Variants in EP400 observed in about 807,000 individuals in gnomAD.
EP400 encodes the protein E1A binding protein p400, also known as E1A-binding protein p400.
EP400 carries 105 observed loss-of-function variants against 354.1 expected under a neutral mutation model. The observed-to-expected ratio is 0.30, with a 90% CI of 0.25 to 0.35. EP400 has a LOEUF of 0.35. EP400 is among the 10% of genes least tolerant of loss of function. EP400 has a pLI of 1.00. For synonymous variants in EP400, 1,646 were observed against 1,716.9 expected (o/e 0.96, Z 1.02); for missense variants, 3,280 against 4,121.0 (o/e 0.80, Z 5.59).
chr12:132,020,934 C>A, intron 22 of EP400, 145 bp from the exon 23 acceptor site: 2 of 1,103,508 alleles, frequency 1.8e-6, no homozygotes, highest in Non-Finnish European at 2.5e-6. Context: ...AACTATATGG[C>A]CCCTCTTTTT....
chr12:132,065,768 G>C (rs536160720), intron 48 of EP400: 1 of 152,366 alleles, frequency 6.6e-6, no homozygotes, highest in East Asian at 1.9e-4. Flanking sequence ...CTACAGAAGG[G>C]TGCTTGGTTT....
chr12:131,996,393 G>A (rs1033194568), intron 12 of EP400, among the ~76,000 whole-genome samples: 6 of 150,554 alleles, frequency 4.0e-5, no homozygotes, highest in African/African-American at 1.2e-4. Flanking sequence ...CTGGGTTTAC[G>A]CCATTCTCCT....
In EP400 at chr12:132,021,134, G is replaced by A. The variant is rs771169705; in HGVS notation, c.4503G>A (p.Gln1501=). Residue 1501 remains glutamine, a synonymous_variant, in exon 23 of 53, where the codon CAG becomes CAA. Transcript: ENST00000389561. ...SQASASAPRH[Q]PASASSTAAS... is the part of the protein sequence containing the mutation. ...CTTCCGCCAGTGCTCCACGACACCAGCCCGCCTCGGCCTCCAGCACAGCCG... is the reference window on the plus strand; with the variant it reads ...CTTCCGCCAGTGCTCCACGACACCAACCCGCCTCGGCCTCCAGCACAGCCG... 4.4e-6 allele frequency: 7 copies of A among 1,600,026 alleles called. No individual in the cohort carries two copies. The Admixed American group carries it at 1.2e-4, about 27-fold the overall frequency.
chr12:132,031,878 A>C, intron 29 of EP400, 75 bp from the exon 30 acceptor site: 1 of 1,455,204 alleles, frequency 6.9e-7, no homozygotes, highest in East Asian at 2.3e-5. Context: ...TTTCTAATTA[A>C]TAAATGTTGA....
At chr12:131,954,771 T>C (rs569193485) in intron 1 of EP400, among the ~76,000 whole-genome samples, 27 of 144,238 alleles carry the variant, frequency 1.9e-4, no homozygotes, top group Non-Finnish European at 3.6e-4. Flanking sequence ...TGTGTGCCTA[T>C]AGTCCCAGCT....
At chr12:131,976,910 C>T (rs1566168871) in intron 2 of EP400, among the ~76,000 whole-genome samples, 1 of 152,232 alleles carries the variant, frequency 6.6e-6, no homozygotes, top group Non-Finnish European at 1.5e-5. Context: ...TCTTTGTCCT[C>T]TTGTTCAAGC....
At chr12:132,065,139 T>A (rs1895847951) in intron 48 of EP400, 2 of 648,128 alleles carry the variant, frequency 3.1e-6, no homozygotes, top group Non-Finnish European at 5.1e-6. Flanking sequence ...GGGTGGAGAG[T>A]GAGCGAGGTG....
In EP400 at chr12:131,979,775, C is replaced by A. The variant is rs1158266221; in HGVS notation, c.1417C>A (p.Pro473Thr). 2 of 1,606,894 alleles carry A rather than the reference C, an allele frequency of 1.2e-6. No individual in the cohort carries two copies. Among genetic ancestry groups the A allele is most frequent in the South Asian group, 2.2e-5 (2 of 90,126 alleles). ...TDLFKRQQAM[P>T]STGMAEQSKR... ...CCTGTTTAAGAGGCAGCAGGCGATG[C>A]CCTCCACAGGTATGGCAGGTACGTC... The change falls in exon 3 of 53, where the codon CCC becomes ACC. Residue 473 changes from proline to threonine, a missense_variant. Pro to Thr is a conservative substitution (Grantham distance 38). Coordinates refer to ENST00000389561, the MANE Select transcript of EP400 (RefSeq NM_015409.5).
intron 15 of EP400, among the ~76,000 whole-genome samples, chr12:132,009,243 T>C (rs1893684835): frequency 6.6e-6 from 1 of 151,960 alleles, no homozygotes; most frequent in African/African-American, 2.4e-5. Flanking sequence ...GGAAGTAGCC[T>C]ATGCTTCTAA....
intron 5 of EP400, among the ~76,000 whole-genome samples, chr12:131,985,939 C>T (rs1458646426): frequency 6.6e-6 from 1 of 151,966 alleles, no homozygotes; most frequent in Non-Finnish European, 1.5e-5. Context: ...TTTAGCCTGT[C>T]TGCCATGAGA....
rs763299219 is a variant in EP400 at position 132,066,828 on chromosome 12, C to A, written c.8608C>A (p.Pro2870Thr). Residue 2870 changes from proline to threonine, a missense_variant, in exon 49 of 53, where the codon CCC (proline) becomes ACC (threonine). By Grantham distance (38) the Pro-to-Thr change is conservative (BLOSUM62 -1). Transcript: ENST00000389561. ...GCAAGGGCAGATGCAGACCCAGGCACCCCAGCCAGCCCAGGTGGCCTTGGC... is the reference window on the plus strand; with the variant it reads ...GCAAGGGCAGATGCAGACCCAGGCAACCCAGCCAGCCCAGGTGGCCTTGGC... ...QAQGQMQTQA[P>T]QPAQVALAKP... is the part of the protein sequence containing the mutation. 109 of 1,613,908 alleles carry A rather than the reference C, an allele frequency of 6.8e-5. No individual in the cohort carries two copies. Among genetic ancestry groups the A allele is most frequent in the Non-Finnish European group, 7.0e-5 (83 of 1,179,976 alleles).
Position 132,018,300 on chromosome 12 carries a change from C to G in EP400, c.4201C>G (p.Arg1401Gly). The part of the protein sequence containing the change: ...AELLSKKKIP[R>G]KLMEEISTSA... ...GTTGCTGTCTAAGAAAAAGATACCG[C>G]GGAAACTCATGGAGGAAATCTCCAC... The change falls in exon 21 of 53, where the codon CGG becomes GGG. Residue 1401 changes from arginine (R) to glycine (G), a missense_variant. Physicochemically the swap from Arg to Gly is moderately radical, Grantham distance 125. Coordinates refer to ENST00000389561, the MANE Select transcript of EP400 (RefSeq NM_015409.5). This position sits in a 1 kb window ranked among gnomAD's most constrained non-coding sequence, Gnocchi z 4.0. 6.2e-7 allele frequency: 1 copy of G among 1,613,568 alleles called. No homozygotes were observed. Among genetic ancestry groups the G allele is most frequent in the Non-Finnish European group, 8.5e-7 (1 of 1,179,920 alleles).
At chr12:132,046,048 G>A (rs1200164600) in intron 39 of EP400, 148 bp downstream of exon 39, 1 of 1,030,102 alleles carries the variant, frequency 9.7e-7, no homozygotes, top group Non-Finnish European at 1.4e-6. Context: ...TGGGCTCCTG[G>A]TGGACCCAGC....
At position 132,013,581 on chromosome 12, in the gene EP400, A is replaced by G; in HGVS notation, c.3703A>G (p.Arg1235Gly). ...MVHFLVPGIS[R>G]PYLSSPLRAP... ...GCACTTCCTGGTCCCAGGGATCTCC[A>G]GGCCCTACCTGAGCTCCCCTCTGAG... The change falls in exon 18 of 53, where the codon AGG becomes GGG. Residue 1235 changes from arginine to glycine, a missense_variant. Around this residue, in one of 20 missense-constraint regions of EP400, gnomAD observed 242 missense variants for 357.9 expected, o/e 0.68. Coordinates refer to ENST00000389561, the MANE Select transcript of EP400 (RefSeq NM_015409.5). The surrounding 1 kb of genome is among the most constrained non-coding windows in gnomAD (Gnocchi z 4.5). 1.9e-6 allele frequency: 3 copies of G among 1,613,934 alleles called. No homozygotes were observed. The highest frequency in any genetic ancestry group is 2.5e-6 in the Non-Finnish European group (3 of 1,179,922).
intron 13 of EP400, 63 bp downstream of exon 13, chr12:132,005,247 C>A: frequency 1.7e-6 from 2 of 1,200,412 alleles, no homozygotes; most frequent in South Asian, 1.9e-5. Context: ...CTTACAAAGA[C>A]TTAAAATAAG....
chr12:132,035,925 CGTG>C (rs1452312448), intron 30 of EP400, among the ~76,000 whole-genome samples: 4 of 135,626 alleles, frequency 2.9e-5, no homozygotes, highest in Non-Finnish European at 6.2e-5. Context: ...CACGGAACGT[CGTG>C]GAAGGGCACA....
intron 45 of EP400, among the ~76,000 whole-genome samples, chr12:132,059,376 C>A (rs1746122980): frequency 1.3e-5 from 2 of 151,964 alleles, no homozygotes; most frequent in South Asian, 4.2e-4. Flanking sequence ...TGGGGACGGC[C>A]CCCGAGAGGT....
chr12:132,032,416 T>G (rs1459713854), intron 30 of EP400, among the ~76,000 whole-genome samples: 1 of 152,258 alleles, frequency 6.6e-6, no homozygotes, highest in Non-Finnish European at 1.5e-5. Flanking sequence ...CAACATTTGC[T>G]TGAAATTGTA....
rs780151164 is a variant in EP400 at position 131,995,012 on chromosome 12, A to T, written c.2827+56A>T. ...GTAAGTAAAAAGAAACATTTAAAAC[A>T]TGTGAGATGTGAATAATAATATATT... On this transcript the variant is annotated intron_variant, in intron 12 of 52. Coordinates refer to ENST00000389561, the MANE Select transcript of EP400 (RefSeq NM_015409.5). The T allele has an allele frequency of 1.2e-5, 18 of 1,476,226 alleles. No individual in the cohort carries two copies. In the Admixed American group the frequency reaches 2.9e-4, roughly 24 times the overall value. The allele number at this position is 1,476,226 out of a possible 1,614,324, so 91.4% of individuals were successfully genotyped here.
Sources: gnomAD v4.1 joint callset for allele counts (sites outside exome capture counted in the v4.1 genomes callset) on GRCh38, gnomAD v4.1.1 for gene constraint, gnomAD v4.1.1 regional missense constraint, Gnocchi (gnomAD v3.1) non-coding constraint, MANE v1.5 for transcripts, NCBI Gene and HGNC (gene_info 2026-07-23, HGNC 2026-07-21) for gene names.